The following CSF2RA variants were observed in gnomAD, a reference collection of about 807,000 sequenced individuals.
CSF2RA encodes the protein colony stimulating factor 2 receptor subunit alpha, also known as granulocyte-macrophage colony-stimulating factor receptor subunit alpha.
CSF2RA carries 42 observed loss-of-function variants against 51.6 expected under a neutral mutation model. The ratio of observed to expected loss-of-function variants is 0.81; its 90% CI spans 0.64 to 1.05. The LOEUF (loss-of-function observed/expected upper bound fraction) is 1.05, where lower values mean the gene tolerates loss of function less well. CSF2RA is among the 50% of genes least tolerant of loss of function. The pLI is 0.00. For synonymous variants in CSF2RA, 222 were observed against 193.0 expected, an observed-to-expected ratio of 1.15 and a Z score of -1.24; for missense variants, 530 against 501.1, an observed-to-expected ratio of 1.06 and a Z score of -0.55.
chrX:1,304,336 G>C (rs1457079495), intron 11 of CSF2RA, among the ~76,000 whole-genome samples: 10 of 109,038 alleles, frequency 9.2e-5, no homozygotes, highest in South Asian at 3.9e-4. Flanking sequence ...GGAGGTGGAG[G>C]TTGCAGTGAG....
chrX:1,323,082 T>C, the CSF2RA span, among the ~76,000 whole-genome samples: 3 of 151,122 alleles, frequency 2.0e-5, no homozygotes, highest in African/African-American at 4.9e-5. Context: ...TGAGCCGAGA[T>C]CGCGCCACCG....
rs1405451683 is a variant in CSF2RA, at chrX:1,298,870, C to G, written c.811-1621C>G. On this transcript the variant is annotated intron_variant, in intron 9 of 12. Transcript: ENST00000381529. ...GACCCAGTGTAGACAAGAAGGAGAG[C>G]CTGCCCCACGTCTACCTGGATCCAG... 1.3e-5 allele frequency among the ~76,000 whole-genome samples: 2 copies of G among 152,020 alleles called. 1 individual carries two copies. Among genetic ancestry groups the G allele is most frequent in the Non-Finnish European group, 2.9e-5 (2 of 67,972 alleles).
At chrX:1,289,263 G>A (rs1196533266) in intron 6 of CSF2RA, among the ~76,000 whole-genome samples, 5 of 152,154 alleles carry the variant, frequency 3.3e-5, no homozygotes, top group African/African-American at 4.8e-5. Context: ...AAGTAGCTGG[G>A]ACTACAGGTG....
chrX:1,286,334 C>A (rs1257177091), intron 4 of CSF2RA, among the ~76,000 whole-genome samples: 2 of 149,500 alleles, frequency 1.3e-5, no homozygotes, highest in Admixed American at 6.7e-5. Flanking sequence ...TCTGGGAGGC[C>A]GAGGCAGGTG....
intron 12 of CSF2RA, among the ~76,000 whole-genome samples, chrX:1,308,597 C>A (rs1412782494): frequency 6.6e-6 from 1 of 152,040 alleles, no homozygotes; most frequent in Non-Finnish European, 1.5e-5. Flanking sequence ...TTGCCCCCAG[C>A]GCCCTCTTCT....
intron 11 of CSF2RA, 97 bp downstream of exon 11, chrX:1,304,116 A>C: frequency 8.8e-7 from 1 of 1,139,806 alleles, no homozygotes; most frequent in Non-Finnish European, 1.3e-6. Flanking sequence ...GAGAAAGAGA[A>C]ACACAGCCTT....
At chrX:1,281,533 T>G (rs1160674613) in intron 2 of CSF2RA, among the ~76,000 whole-genome samples, 2 of 151,162 alleles carry the variant, frequency 1.3e-5, no homozygotes, top group Non-Finnish European at 2.9e-5. Context: ...CTCCTCCTCC[T>G]TCTCCTCCTC....
intron 1 of CSF2RA, among the ~76,000 whole-genome samples, chrX:1,270,068 C>T (rs1187316806): frequency 1.3e-5 from 2 of 151,982 alleles, no homozygotes; most frequent in African/African-American, 4.8e-5. Context: ...CAGATTGCAC[C>T]GTTGCACTCC....
intron 2 of CSF2RA, among the ~76,000 whole-genome samples, chrX:1,275,029 A>T (rs1398675551): frequency 6.7e-6 from 1 of 150,118 alleles, no homozygotes; most frequent in East Asian, 2.0e-4. Flanking sequence ...CTCCTGAAGC[A>T]GCGTGACAAG....
At chrX:1,286,937 G>A (rs1323442422) in intron 4 of CSF2RA, among the ~76,000 whole-genome samples, 1 of 152,046 alleles carries the variant, frequency 6.6e-6, no homozygotes, top group African/African-American at 2.4e-5. Flanking sequence ...CAGAAGAGCG[G>A]GGAGAGGGGA....
chrX:1,280,450 G>A (rs1263509848), intron 2 of CSF2RA, among the ~76,000 whole-genome samples: 1 of 138,446 alleles, frequency 7.2e-6, no homozygotes, highest in Non-Finnish European at 1.5e-5. Flanking sequence ...CAGCCTGGGT[G>A]ACAAGAGTGA....
At chrX:1,275,613 C>T (rs2089074653) in intron 2 of CSF2RA, among the ~76,000 whole-genome samples, 1 of 151,762 alleles carries the variant, frequency 6.6e-6, no homozygotes, top group African/African-American at 2.4e-5. Context: ...GGCTGGAGTG[C>T]AGTGGCGCGA....
In CSF2RA at chrX:1,288,645, A is replaced by T; in HGVS notation, c.343+3A>T. 6.2e-7 allele frequency: 1 copy of T among 1,613,990 alleles called. No individual in the cohort carries two copies. Among genetic ancestry groups the T allele is most frequent in the South Asian group, 1.1e-5 (1 of 91,080 alleles). ...GAAACTGCTTTATCCAAATTCAGGTAAGCAAGACAGCTCAGGGATCCGTTT... is the reference window on the plus strand; with the variant it reads ...GAAACTGCTTTATCCAAATTCAGGTTAGCAAGACAGCTCAGGGATCCGTTT... On this transcript the variant is annotated splice_donor_region_variant and intron_variant, in intron 5 of 12. Transcript: ENST00000381529.
Position 1,288,791 on chromosome X carries a change from TG to T in CSF2RA, c.377del (p.Cys126PhefsTer8). ...REGTAAQNFS[C>X]FIYNADLMNC... ...GGGTACCGCTGCTCAGAATTTCTCC[TG>T]TTTCATCTACAATGCGGATTTAATG... On this transcript the variant is annotated frameshift_variant, in exon 6 of 13. Transcript: ENST00000381529. LOFTEE classifies it high-confidence loss of function. 1.2e-6 allele frequency: 2 copies of T among 1,613,948 alleles called. No homozygotes were observed. Among genetic ancestry groups the T allele is most frequent in the South Asian group, 2.2e-5 (2 of 91,080 alleles).
intron 10 of CSF2RA, chrX:1,303,363 G>A: frequency 2.3e-6 from 1 of 426,562 alleles, no homozygotes; most frequent in Admixed American, 4.0e-5. Context: ...AGACTCCCAG[G>A]TAGATAGGAT....
At chrX:1,293,763 C>T (rs1316694322) in intron 7 of CSF2RA, among the ~76,000 whole-genome samples, 8 of 151,932 alleles carry the variant, frequency 5.3e-5, no homozygotes, top group Non-Finnish European at 1.0e-4. Context: ...CCACCTGGAC[C>T]GAGTGTAGAC....
At chrX:1,316,721 C>A in the CSF2RA span, among the ~76,000 whole-genome samples, 2 of 152,196 alleles carry the variant, frequency 1.3e-5, no homozygotes, top group Admixed American at 6.6e-5. Flanking sequence ...AACAGCACCA[C>A]CACCTCCTAC....
At chrX:1,268,966 AAG>A (rs1171373162) in intron 1 of CSF2RA, 87 bp downstream of exon 1, 2 of 445,246 alleles carry the variant, frequency 4.5e-6, no homozygotes, top group South Asian at 1.6e-5. Flanking sequence ...ATAGAAAAGA[AAG>A]AGACTGAACT....
At chrX:1,279,943 C>T (rs1456164504) in intron 2 of CSF2RA, among the ~76,000 whole-genome samples, 1 of 151,870 alleles carries the variant, frequency 6.6e-6, no homozygotes, top group East Asian at 2.0e-4. Flanking sequence ...GCACCCACCA[C>T]CCCACCCGGC....
Sources: gnomAD v4.1 joint callset for allele counts (sites outside exome capture counted in the v4.1 genomes callset) on GRCh38, gnomAD v4.1.1 for gene constraint, MANE v1.5 for transcripts, NCBI Gene and HGNC (gene_info 2026-07-23, HGNC 2026-07-21) for gene names.